Variants in RPS6KA1 observed in about 807,000 individuals in gnomAD.
RPS6KA1 encodes the protein ribosomal protein S6 kinase alpha-1.
A neutral mutation model predicts 91.3 loss-of-function variants in RPS6KA1; 48 were observed. The ratio of observed to expected loss-of-function variants is 0.53; its 90% CI spans 0.42 to 0.67. The LOEUF (loss-of-function observed/expected upper bound fraction) is 0.67. Among genes scored for constraint, RPS6KA1 ranks in the 30% least tolerant of loss-of-function variants. RPS6KA1 has a pLI of 0.00. For missense variants in RPS6KA1, 719 were observed against 960.5 expected, an observed-to-expected ratio of 0.75 and a Z score of 3.32; for synonymous variants, 359 against 384.7, an observed-to-expected ratio of 0.93 and a Z score of 0.78.
chr1:26,560,832 A>G lies in RPS6KA1; in HGVS notation c.1322A>G (p.Asn441Ser). ...ECKRCVHKAT[N>S]MEYAVKVIDK... is the part of the protein sequence containing the mutation. Reference sequence around the variant, plus strand: ...AAGCGCTGTGTCCACAAGGCCACCAACATGGAGTATGCTGTCAAGGTGGGC... The same window carrying G: ...AAGCGCTGTGTCCACAAGGCCACCAGCATGGAGTATGCTGTCAAGGTGGGC... Residue 441 changes from asparagine to serine, a missense_variant, in exon 15 of 22, where the codon AAC (asparagine) becomes AGC (serine). Coordinates refer to ENST00000374168, the MANE Select transcript of RPS6KA1 (RefSeq NM_002953.4). 6.2e-7 allele frequency: 1 copy of G among 1,614,220 alleles called. No individual in the cohort carries two copies. The highest frequency in any genetic ancestry group is 1.1e-5 in the South Asian group (1 of 91,082).
In RPS6KA1 at chr1:26,555,878, G is replaced by A. The variant is rs2124643631; in HGVS notation, c.916+253G>A. ...GGACAAGGACAGAGGCCCCCACACAGCTTCTCCGCCAAGGCTGCTGGCACA... is the reference window on the plus strand; with the variant it reads ...GGACAAGGACAGAGGCCCCCACACAACTTCTCCGCCAAGGCTGCTGGCACA... On this transcript the variant is annotated intron_variant, in intron 11 of 21. Transcript: ENST00000374168. The surrounding 1 kb of genome is among the most constrained non-coding windows in gnomAD (Gnocchi z 4.3). Among the ~76,000 whole-genome samples the A allele has an allele frequency of 6.6e-6, 1 of 152,314 alleles. No individual in the cohort carries two copies. Among genetic ancestry groups the A allele is most frequent in the South Asian group, 2.1e-4 (1 of 4,822 alleles).
chr1:26,548,905 G>T (rs545371797), intron 4 of RPS6KA1, among the ~76,000 whole-genome samples: 4 of 151,848 alleles, frequency 2.6e-5, no homozygotes, highest in Non-Finnish European at 5.9e-5. Context: ...TAAAACAGAA[G>T]AAGGGGACCA....
At position 26,555,210 on chromosome 1, in the gene RPS6KA1, A is replaced by G. The variant is rs530169543; in HGVS notation, c.816A>G (p.Thr272=). The G allele has an allele frequency of 1.1e-5, 17 of 1,613,996 alleles. No individual in the cohort carries two copies. The highest frequency in any genetic ancestry group is 6.7e-5 in the African/African-American group (5 of 74,984). ...GGAAGGACCGGAAGGAGACCATGAC[A>G]CTGATTCTGAAGTAAGCCCCAGCCC... ...FQGKDRKETM[T]LILKAKLGMP... Residue 272 remains threonine (T), a synonymous_variant, in exon 10 of 22, where the codon ACA becomes ACG. Coordinates refer to ENST00000374168, the MANE Select transcript of RPS6KA1 (RefSeq NM_002953.4). The surrounding 1 kb of genome is among the most constrained non-coding windows in gnomAD (Gnocchi z 4.3).
At chr1:26,560,924 G>T in intron 15 of RPS6KA1, 73 bp downstream of exon 15, 1 of 1,609,658 alleles carries the variant, frequency 6.2e-7, no homozygotes, top group Non-Finnish European at 8.5e-7. Context: ...GGGAGGGATG[G>T]TGCCTGAGCT....
chr1:26,536,960 G>C lies in RPS6KA1; in HGVS notation c.99G>C (p.Gln33His), dbSNP rs755231237. Reference sequence around the variant, plus strand: ...CCTCAGGGGAAGAAGCTGGACTTCAGCCGTCCAAGGTGAGGACCATGGCCA... The same window carrying C: ...CCTCAGGGGAAGAAGCTGGACTTCACCCGTCCAAGGTGAGGACCATGGCCA... Reference protein sequence around the residue: ...GQTSGEEAGLQPSKDEGVLKE... With the variant: ...GQTSGEEAGLHPSKDEGVLKE... Residue 33 changes from glutamine (Q) to histidine (H), a missense_variant, in exon 2 of 22, where the codon CAG (glutamine) becomes CAC (histidine). Physicochemically the swap from Gln to His is conservative, Grantham distance 24. This residue lies in a region of RPS6KA1 where 57 missense variants were observed against 55.8 expected (regional missense o/e 1.02). Transcript: ENST00000374168. 3 of 1,614,164 alleles carry C rather than the reference G, an allele frequency of 1.9e-6. No individual in the cohort carries two copies. The South Asian group carries it at 3.3e-5, about 18-fold the overall frequency.
At chr1:26,553,842 A>G (rs2076075304) in intron 7 of RPS6KA1, 1 of 260,900 alleles carries the variant, frequency 3.8e-6, no homozygotes. Flanking sequence ...AGCCAGGGGC[A>G]GGTGGTGAGT....
chr1:26,536,883 A>G, intron 1 of RPS6KA1, 42 bp from the exon 2 acceptor site: 2 of 1,609,870 alleles, frequency 1.2e-6, no homozygotes, highest in South Asian at 1.1e-5. Flanking sequence ...CCAAGCGTGT[A>G]AGTTCTGACA....
At chr1:26,568,130 G>A (rs965080813) in intron 17 of RPS6KA1, among the ~76,000 whole-genome samples, 1 of 152,210 alleles carries the variant, frequency 6.6e-6, no homozygotes, top group Non-Finnish European at 1.5e-5. Context: ...AAAACACTGG[G>A]TCCGAGTTGC....
intron 13 of RPS6KA1, among the ~76,000 whole-genome samples, chr1:26,557,894 T>C (rs562123642): frequency 1.0e-3 from 156 of 150,854 alleles, no homozygotes; most frequent in African/African-American, 3.6e-3. Flanking sequence ...AATGGCGTGA[T>C]CTCAGCTTAC....
chr1:26,561,581 G>T lies in RPS6KA1; in HGVS notation c.1508G>T (p.Arg503Leu). 6.2e-7 allele frequency: 1 copy of T among 1,614,134 alleles called. No individual in the cohort carries two copies. ...RGGELLDKIL[R>L]QKFFSEREAS... ...GGGGAGCTGCTGGACAAGATCCTGC[G>T]GCAGAAGTTCTTCTCAGAGCGGGAG... Residue 503 changes from arginine (R) to leucine (L), a missense_variant, in exon 17 of 22, where the codon CGG (arginine) becomes CTG (leucine). Arg to Leu is a moderately radical substitution (Grantham distance 102, BLOSUM62 -2). Transcript: ENST00000374168. This position sits in a 1 kb window ranked among gnomAD's most constrained non-coding sequence, Gnocchi z 5.7.
rs146788594 is a variant in RPS6KA1, at chr1:26,571,872, T to C, written c.1776T>C (p.Asp592=). The C allele has an allele frequency of 3.2e-4, 510 of 1,611,074 alleles. 5 individuals are homozygous for C. In the Middle Eastern group the frequency reaches 5.1e-3, roughly 16 times the overall value. Residue 592 remains aspartate (D), a synonymous_variant, in exon 19 of 22, where the codon GAT becomes GAC. Transcript: ENST00000374168. This position sits in a 1 kb window ranked among gnomAD's most constrained non-coding sequence, Gnocchi z 5.1. ...APEVLKRQGY[D]EGCDIWSLGI... Reference sequence around the variant, plus strand: ...AGGTGCTGAAGCGCCAGGGCTACGATGAAGGCTGCGACATCTGGAGCCTGG... The same window carrying C: ...AGGTGCTGAAGCGCCAGGGCTACGACGAAGGCTGCGACATCTGGAGCCTGG...
chr1:26,536,313 T>A (rs2075906291), intron 1 of RPS6KA1, among the ~76,000 whole-genome samples: 1 of 152,192 alleles, frequency 6.6e-6, no homozygotes, highest in Non-Finnish European at 1.5e-5. Context: ...CAGGCCTGTG[T>A]GTAAATAGTC....
rs1044521627 is a variant in RPS6KA1, at chr1:26,561,588, G to A, written c.1515G>A (p.Lys505=). The A allele has an allele frequency of 6.2e-7, 1 of 1,614,168 alleles. No homozygotes were observed. Among genetic ancestry groups the A allele is most frequent in the African/African-American group, 1.3e-5 (1 of 75,056 alleles). Residue 505 remains lysine (K), a synonymous_variant, in exon 17 of 22, where the codon AAG becomes AAA. Transcript: ENST00000374168. This position sits in a 1 kb window ranked among gnomAD's most constrained non-coding sequence, Gnocchi z 5.7. Reference sequence around the variant, plus strand: ...TGCTGGACAAGATCCTGCGGCAGAAGTTCTTCTCAGAGCGGGAGGCCAGCT... The same window carrying A: ...TGCTGGACAAGATCCTGCGGCAGAAATTCTTCTCAGAGCGGGAGGCCAGCT... ...GELLDKILRQ[K]FFSEREASFV... is the part of the protein sequence containing the mutation.
chr1:26,557,154 G>A, intron 13 of RPS6KA1, 54 bp downstream of exon 13: 7 of 1,440,966 alleles, frequency 4.9e-6, no homozygotes, highest in Middle Eastern at 1.7e-4. Context: ...GGGAAGCCGG[G>A]AGTCGGTGGC....
At chr1:26,565,152 G>A (rs1046052174) in intron 17 of RPS6KA1, among the ~76,000 whole-genome samples, 3 of 152,112 alleles carry the variant, frequency 2.0e-5, no homozygotes, top group Non-Finnish European at 2.9e-5. Context: ...TGCTAATACC[G>A]GGGCAGATGA....
intron 21 of RPS6KA1, 58 bp downstream of exon 21, chr1:26,573,419 A>T: frequency 6.2e-7 from 1 of 1,603,190 alleles, no homozygotes; most frequent in Non-Finnish European, 8.5e-7. Flanking sequence ...TGGCATGGTC[A>T]GGGACTTGTG....
At chr1:26,552,581 G>T (rs928394876) in intron 6 of RPS6KA1, among the ~76,000 whole-genome samples, 24 of 149,960 alleles carry the variant, frequency 1.6e-4, no homozygotes, top group African/African-American at 5.7e-4. Context: ...CCGCCTCCCG[G>T]GTTCAAGCAA....
intron 2 of RPS6KA1, chr1:26,546,019 G>A: frequency 6.2e-7 from 1 of 1,611,378 alleles, no homozygotes; most frequent in Non-Finnish European, 8.5e-7. Context: ...CCTGGCTCTG[G>A]CCCCCAGCGG....
intron 1 of RPS6KA1, 146 bp from the exon 2 acceptor site, chr1:26,536,778 GT>G: frequency 1.3e-6 from 1 of 785,672 alleles, no homozygotes; most frequent in Middle Eastern, 2.4e-4. Flanking sequence ...GAAAGTGGAG[GT>G]GGAGGGACCC....
Sources: allele counts gnomAD v4.1 joint callset (sites outside exome capture counted in the v4.1 genomes callset), GRCh38; gene constraint gnomAD v4.1.1; regional missense constraint gnomAD v4.1.1; non-coding constraint Gnocchi (gnomAD v3.1); transcripts MANE v1.5; gene names NCBI Gene and HGNC (gene_info 2026-07-23, HGNC 2026-07-21).